DOCK3: variants seen among roughly 807,000 people sequenced by gnomAD.
The protein encoded by DOCK3 is dedicator of cytokinesis 3, also known as dedicator of cytokinesis protein 3.
In DOCK3, 60 loss-of-function variants were observed where a neutral mutation model predicts 265.6. The observed-to-expected ratio is 0.23, with a 90% confidence interval of 0.18 to 0.28. DOCK3 has a LOEUF of 0.28. Among genes scored for constraint, DOCK3 ranks in the 10% least tolerant of loss-of-function variants. The pLI, the probability that DOCK3 is intolerant of heterozygous loss-of-function variation, is 1.00. For missense variants in DOCK3, 1,981 were observed against 2,594.3 expected, an observed-to-expected ratio of 0.76 and a Z score of 5.14; for synonymous variants, 881 against 938.0, an observed-to-expected ratio of 0.94 and a Z score of 1.11.
At chr3:50,924,540 G>C (rs1255738603) in intron 4 of DOCK3, among the ~76,000 whole-genome samples, 1 of 152,218 alleles carries the variant, frequency 6.6e-6, no homozygotes, top group Non-Finnish European at 1.5e-5. Context: ...ATAGTCTACT[G>C]AAGGTTATGT....
intron 5 of DOCK3, among the ~76,000 whole-genome samples, chr3:50,991,917 T>C (rs143936185): frequency 5.5e-4 from 84 of 152,142 alleles, no homozygotes; most frequent in African/African-American, 2.0e-3. Context: ...GCAGTAAAAA[T>C]AGAAGTCAAG....
At chr3:51,017,960 T>G (rs556332688) in intron 5 of DOCK3, among the ~76,000 whole-genome samples, 101 of 151,872 alleles carry the variant, frequency 6.7e-4, no homozygotes, top group Middle Eastern at 3.4e-3. Flanking sequence ...TGGCACGATC[T>G]CGGCTCACTG....
At chr3:51,271,849 A>T (rs1438253798) in intron 24 of DOCK3, among the ~76,000 whole-genome samples, 1 of 97,118 alleles carries the variant, frequency 1.0e-5, no homozygotes, top group Non-Finnish European at 2.0e-5. Flanking sequence ...AGACTGTCTC[A>T]GGAAAAAAAA....
intron 32 of DOCK3, among the ~76,000 whole-genome samples, chr3:51,317,993 T>C (rs1482068483): frequency 6.6e-6 from 1 of 152,200 alleles, no homozygotes; most frequent in Non-Finnish European, 1.5e-5. Context: ...AGCTATCTAA[T>C]TCTTTTTCCT....
rs1576003161 is a variant in DOCK3 at position 51,081,893 on chromosome 3, C to T, written c.549+6453C>T. Among the ~76,000 whole-genome samples, 4 of 51,584 alleles carry T rather than the reference C, an allele frequency of 7.8e-5. No homozygotes were observed. In the South Asian group the frequency reaches 4.4e-3, roughly 57 times the overall value. The allele number at this position is 51,584 out of a possible 152,430, so 33.8% of individuals were successfully genotyped here. A position where few individuals can be genotyped will look rare whatever the true frequency, so the allele number is the denominator to read the frequency against. ...CCTGGGCGACAGAGCAAGACTCTGTCTCAAAAAAAAAAAAAAAAAATTCGA... is the reference window on the plus strand; with the variant it reads ...CCTGGGCGACAGAGCAAGACTCTGTTTCAAAAAAAAAAAAAAAAAATTCGA... On this transcript the variant is annotated intron_variant, in intron 7 of 52. Coordinates refer to ENST00000266037, the MANE Select transcript of DOCK3 (RefSeq NM_004947.5).
intron 4 of DOCK3, among the ~76,000 whole-genome samples, chr3:50,917,096 AT>A (rs2050171204): frequency 6.6e-6 from 1 of 151,792 alleles, no homozygotes; most frequent in South Asian, 2.1e-4. Flanking sequence ...GATTTTCTAG[AT>A]TTTTGCTTCT....
intron 34 of DOCK3, 47 bp downstream of exon 34, chr3:51,333,074 C>T: frequency 1.2e-6 from 2 of 1,613,926 alleles, no homozygotes; most frequent in Middle Eastern, 1.7e-4. Flanking sequence ...TCCATCACAG[C>T]CTCCATGGGC....
intron 6 of DOCK3, among the ~76,000 whole-genome samples, chr3:51,070,598 A>G (rs191602314): frequency 3.3e-5 from 5 of 152,332 alleles, no homozygotes; most frequent in Admixed American, 3.3e-4. Flanking sequence ...TATGTTATAT[A>G]AATGTAAATA....
chr3:51,010,336 CTCT>C (rs1004421470), intron 5 of DOCK3, among the ~76,000 whole-genome samples: 2 of 152,164 alleles, frequency 1.3e-5, no homozygotes, highest in Admixed American at 1.3e-4. Context: ...GGATATTTAG[CTCT>C]TCTTGGTGAA....
intron 9 of DOCK3, among the ~76,000 whole-genome samples, chr3:51,137,083 C>T (rs901540360): frequency 6.6e-5 from 10 of 151,626 alleles, no homozygotes; most frequent in African/African-American, 2.4e-4. Context: ...GAAACCATAG[C>T]CCTGGACCAT....
chr3:51,239,271 G>A (rs114162115), intron 21 of DOCK3, among the ~76,000 whole-genome samples: 5,726 of 151,724 alleles, frequency 0.038, 335 homozygotes, highest in African/African-American at 0.13. Flanking sequence ...GTAGAGTGGC[G>A]CAATCTTGGC....
Position 51,361,481 on chromosome 3 carries a change from G to T in DOCK3, c.5007-378G>T, listed in dbSNP as rs545156551. On this transcript the variant is annotated intron_variant, in intron 47 of 52. Transcript: ENST00000266037. The surrounding 1 kb of genome is among the most constrained non-coding windows in gnomAD (Gnocchi z 4.2). ...GCAGATCCCATCATGGTGTGGGGGG[G>T]TTGGGGGGTGGGCACTGACCCAGAC... 4.6e-5 allele frequency among the ~76,000 whole-genome samples: 7 copies of T among 151,414 alleles called. No homozygotes were observed. The highest frequency in any genetic ancestry group is 1.0e-4 in the Non-Finnish European group (7 of 67,828).
At chr3:51,251,932 T>A (rs2079268203) in intron 22 of DOCK3, among the ~76,000 whole-genome samples, 1 of 152,212 alleles carries the variant, frequency 6.6e-6, no homozygotes, top group Non-Finnish European at 1.5e-5. Flanking sequence ...ATGAAGTGCT[T>A]GCCCATGTCT....
At chr3:51,115,710 T>A (rs1280384844) in intron 9 of DOCK3, among the ~76,000 whole-genome samples, 1 of 152,228 alleles carries the variant, frequency 6.6e-6, no homozygotes, top group Non-Finnish European at 1.5e-5. Flanking sequence ...AGTCATGAAG[T>A]CTTTGCCCAT....
At chr3:50,833,660 G>A (rs1302475480) in intron 2 of DOCK3, among the ~76,000 whole-genome samples, 3 of 152,234 alleles carry the variant, frequency 2.0e-5, no homozygotes, top group Admixed American at 1.3e-4. Context: ...CAGGGACTGT[G>A]TAGACAAGAT....
At chr3:50,823,094 A>T (rs2044540370) in intron 2 of DOCK3, among the ~76,000 whole-genome samples, 1 of 152,152 alleles carries the variant, frequency 6.6e-6, no homozygotes. Context: ...CAGATTTTTC[A>T]TTATACTTGC....
chr3:50,935,641 T>TA (rs2051317654), intron 5 of DOCK3, among the ~76,000 whole-genome samples: 1 of 152,176 alleles, frequency 6.6e-6, no homozygotes, highest in Non-Finnish European at 1.5e-5. Context: ...CCCTGTGGGA[T>TA]AGTACCCTGT....
intron 5 of DOCK3, among the ~76,000 whole-genome samples, chr3:50,934,881 T>G (rs879883996): frequency 6.6e-6 from 1 of 152,180 alleles, no homozygotes; most frequent in Admixed American, 6.5e-5. Context: ...CTGGACGATA[T>G]GGAGTAAACA....
chr3:51,369,860 C>A (rs1328392954), intron 49 of DOCK3, among the ~76,000 whole-genome samples: 1 of 152,208 alleles, frequency 6.6e-6, no homozygotes, highest in African/African-American at 2.4e-5. Flanking sequence ...GGAATTAAGG[C>A]CACCTAGCCA....
Sources: gnomAD v4.1 joint callset for allele counts (sites outside exome capture counted in the v4.1 genomes callset) on GRCh38, gnomAD v4.1.1 for gene constraint, Gnocchi (gnomAD v3.1) non-coding constraint, MANE v1.5 for transcripts, NCBI Gene and HGNC (gene_info 2026-07-23, HGNC 2026-07-21) for gene names.